BAZ2B: variants seen among roughly 807,000 people sequenced by gnomAD.
BAZ2B encodes bromodomain adjacent to zinc finger domain 2B.
Under a neutral mutation model 246.0 loss-of-function variants are expected in BAZ2B, and 91 were observed. The ratio of observed to expected loss-of-function variants is 0.37; its 90% CI spans 0.31 to 0.44. The LOEUF is 0.44. Among genes scored for constraint, BAZ2B ranks in the 20% least tolerant of loss-of-function variants. The pLI, the probability that BAZ2B is intolerant of heterozygous loss-of-function variation, is 1.00. For missense variants in BAZ2B, 2,332 were observed against 2,533.7 expected, an observed-to-expected ratio of 0.92 and a Z score of 1.71; for synonymous variants, 855 against 860.0, an observed-to-expected ratio of 0.99 and a Z score of 0.10.
At chr2:159,513,621 T>G (rs923936189) in intron 2 of BAZ2B, among the ~76,000 whole-genome samples, 1 of 152,118 alleles carries the variant, frequency 6.6e-6, no homozygotes, top group Non-Finnish European at 1.5e-5. Flanking sequence ...TTCTCCTCTT[T>G]CCTTGTATCT....
chr2:159,642,696 C>T, the BAZ2B span, among the ~76,000 whole-genome samples: 1 of 152,004 alleles, frequency 6.6e-6, no homozygotes, highest in Non-Finnish European at 1.5e-5. Flanking sequence ...TAATTTAAAA[C>T]ATTAAAAAAG....
At chr2:159,441,118 C>G (rs1482176605) in intron 6 of BAZ2B, among the ~76,000 whole-genome samples, 2 of 152,098 alleles carry the variant, frequency 1.3e-5, no homozygotes, top group Non-Finnish European at 2.9e-5. Context: ...TATAGCAAGA[C>G]CACGAAAATC....
intron 1 of BAZ2B, chr2:159,615,331 G>A (rs911280506): frequency 6.5e-6 from 1 of 152,704 alleles, no homozygotes; most frequent in African/African-American, 2.4e-5. Flanking sequence ...GGAAGCAGAG[G>A]AGTTGGGAGC....
chr2:159,679,867 G>A, the BAZ2B span, among the ~76,000 whole-genome samples: 1 of 152,164 alleles, frequency 6.6e-6, no homozygotes, highest in Non-Finnish European at 1.5e-5. Context: ...CATTCAAAGT[G>A]CACTATGCTA....
chr2:159,537,330 T>C (rs903240835), intron 2 of BAZ2B, among the ~76,000 whole-genome samples: 4 of 152,182 alleles, frequency 2.6e-5, no homozygotes, highest in Admixed American at 6.5e-5. Flanking sequence ...ATTCTGGAGA[T>C]GGATGGTGGT....
At chr2:159,560,120 C>T (rs1290953624) in intron 1 of BAZ2B, among the ~76,000 whole-genome samples, 1 of 152,150 alleles carries the variant, frequency 6.6e-6, no homozygotes, top group East Asian at 1.9e-4. Flanking sequence ...TTTTAACATA[C>T]TCATGTCTTA....
chr2:159,360,613 T>C (rs182945117), intron 27 of BAZ2B, among the ~76,000 whole-genome samples: 9 of 152,308 alleles, frequency 5.9e-5, no homozygotes, highest in South Asian at 2.1e-4. Context: ...AAATTTCATA[T>C]GGAACCAAAA....
chr2:159,441,186 G>T (rs2073327135), intron 6 of BAZ2B, among the ~76,000 whole-genome samples: 1 of 152,128 alleles, frequency 6.6e-6, no homozygotes, highest in South Asian at 2.1e-4. Context: ...ACAAAGAAAA[G>T]AAATAAGAGA....
At position 159,485,356 on chromosome 2, in the gene BAZ2B, G is replaced by C. The variant is rs150428928; in HGVS notation, c.-2-6635C>G. On this transcript the variant is annotated intron_variant, in intron 2 of 36. Transcript: ENST00000392783. The stretch of plus-strand genomic sequence containing the variant: ...CAAAATTATTCTTTGAAAATAATAT[G>C]TTCATAGGAAAAAGATTCTATTCAT... Among the ~76,000 whole-genome samples the C allele has an allele frequency of 2.5e-3, 381 of 152,142 alleles. 1 individual carries two copies. The highest frequency in any genetic ancestry group is 4.4e-3 in the Non-Finnish European group (297 of 67,940).
At chr2:159,470,511 T>C (rs1359193896) in intron 3 of BAZ2B, among the ~76,000 whole-genome samples, 1 of 152,230 alleles carries the variant, frequency 6.6e-6, no homozygotes, top group Non-Finnish European at 1.5e-5. Context: ...CATGTGCAGC[T>C]TCACTCTGTT....
At chr2:159,448,496 A>G in intron 4 of BAZ2B, 87 bp from the exon 5 acceptor site, 1 of 1,450,350 alleles carries the variant, frequency 6.9e-7, no homozygotes, top group Admixed American at 2.7e-5. Flanking sequence ...TTTATTTAAA[A>G]AAATTTCAAG....
chr2:159,322,937 C>T (rs958330544), intron 36 of BAZ2B, among the ~76,000 whole-genome samples: 29 of 152,158 alleles, frequency 1.9e-4, no homozygotes, highest in African/African-American at 6.7e-4. Flanking sequence ...TTTCTCTTCC[C>T]CTGTGACTTC....
chr2:159,528,271 G>A (rs1433006927), intron 2 of BAZ2B, among the ~76,000 whole-genome samples: 1 of 152,146 alleles, frequency 6.6e-6, no homozygotes, highest in Non-Finnish European at 1.5e-5. Flanking sequence ...CAGCCCAGGT[G>A]AGACATGATG....
chr2:159,638,786 G>A, the BAZ2B span, among the ~76,000 whole-genome samples: 2 of 152,052 alleles, frequency 1.3e-5, no homozygotes, highest in Admixed American at 1.3e-4. Flanking sequence ...AAATCTAAGA[G>A]TTACTGGCCT....
intron 28 of BAZ2B, 122 bp from the exon 29 acceptor site, chr2:159,349,402 G>A (rs1247651784): frequency 1.9e-6 from 2 of 1,080,244 alleles, no homozygotes; most frequent in South Asian, 1.9e-5. Context: ...TACAATTACA[G>A]GAAAACAAAA....
chr2:159,512,905 A>G (rs1450236379), intron 2 of BAZ2B, among the ~76,000 whole-genome samples: 2 of 152,200 alleles, frequency 1.3e-5, no homozygotes, highest in Admixed American at 6.5e-5. Flanking sequence ...AATGATAACT[A>G]ACATTTAAAA....
chr2:159,476,773 G>C (rs2150898252), intron 3 of BAZ2B, among the ~76,000 whole-genome samples: 1 of 152,296 alleles, frequency 6.6e-6, no homozygotes, highest in African/African-American at 2.4e-5. Context: ...AGAGAAAGAA[G>C]AATTACAAAA....
the BAZ2B span, among the ~76,000 whole-genome samples, chr2:159,663,205 T>C: frequency 1.3e-5 from 2 of 151,510 alleles, no homozygotes; most frequent in East Asian, 3.9e-4. Flanking sequence ...TTTTTTCTTT[T>C]TTTTCTTTTT....
At position 159,512,655 on chromosome 2, in the gene BAZ2B, C is replaced by T. The variant is rs148775073; in HGVS notation, c.-2-33934G>A. Among the ~76,000 whole-genome samples, 114 of 152,280 alleles carry T rather than the reference C, an allele frequency of 7.5e-4. No individual in the cohort carries two copies. The Middle Eastern group carries it at 0.044, about 59-fold the overall frequency. ...CACATGATTCCAACAAGCTTGGGTT[C>T]ATTCCCAAGGTCACAGTATAGTACA... On this transcript the variant is annotated intron_variant, in intron 2 of 36. Transcript: ENST00000392783.
Sources: gnomAD v4.1 joint callset for allele counts (sites outside exome capture counted in the v4.1 genomes callset) on GRCh38, gnomAD v4.1.1 for gene constraint, MANE v1.5 for transcripts, NCBI Gene and HGNC (gene_info 2026-07-23, HGNC 2026-07-21) for gene names.